The following CFAP61 variants were observed in gnomAD, a reference collection of about 807,000 sequenced individuals.
The protein encoded by CFAP61 is cilia and flagella associated protein 61, also known as cilia- and flagella-associated protein 61.
CFAP61 carries 107 observed loss-of-function variants against 135.6 expected under a neutral mutation model. The observed-to-expected ratio is 0.79, with a 90% CI of 0.67 to 0.93. The LOEUF is 0.93. Ranked by LOEUF, CFAP61 falls within the 40% of genes least tolerant of loss-of-function variation. The pLI is 0.00. For missense variants in CFAP61, 1,507 were observed against 1,556.2 expected (o/e 0.97, Z 0.53); for synonymous variants, 575 against 578.5 (o/e 0.99, Z 0.09).
chr20:20,328,585 A>C (rs1024307568), intron 25 of CFAP61, among the ~76,000 whole-genome samples: 1 of 151,140 alleles, frequency 6.6e-6, no homozygotes, highest in Non-Finnish European at 1.5e-5. Flanking sequence ...AAACAATTTC[A>C]AAAAAAAAGG....
rs550367362 is a variant in CFAP61, at chr20:20,242,358, G to A, written c.2061-3759G>A. On this transcript the variant is annotated intron_variant, in intron 18 of 26. Transcript: ENST00000245957. ...CATGAAATTTTACTGACTTTAACCA[G>A]GGGGTGGATTTGCAGCAAGAGCATC... Among the ~76,000 whole-genome samples the A allele has an allele frequency of 9.2e-5, 14 of 152,334 alleles. No homozygotes were observed. The South Asian group carries it at 2.7e-3, about 29-fold the overall frequency.
intron 11 of CFAP61, among the ~76,000 whole-genome samples, chr20:20,165,520 C>T (rs1327163049): frequency 6.6e-6 from 1 of 152,024 alleles, no homozygotes; most frequent in Non-Finnish European, 1.5e-5. Flanking sequence ...CACCCTGCCC[C>T]TCCAGAACAC....
At chr20:20,224,104 AG>A (rs1197836827) in intron 17 of CFAP61, among the ~76,000 whole-genome samples, 15 of 152,318 alleles carry the variant, frequency 9.8e-5, no homozygotes, top group South Asian at 4.1e-4. Flanking sequence ...GCAAAGACAT[AG>A]TTCCTGACCT....
chr20:20,198,093 T>G (rs942240060), intron 16 of CFAP61, among the ~76,000 whole-genome samples: 1 of 152,134 alleles, frequency 6.6e-6, no homozygotes, highest in African/African-American at 2.4e-5. Context: ...ACAGAAAAGG[T>G]TTTGAGTGAG....
intron 1 of CFAP61, among the ~76,000 whole-genome samples, chr20:20,056,269 T>A (rs1056363519): frequency 1.3e-5 from 2 of 152,218 alleles, no homozygotes; most frequent in Non-Finnish European, 2.9e-5. Context: ...CCCCAGTAAC[T>A]CTTCACCACA....
intron 25 of CFAP61, among the ~76,000 whole-genome samples, chr20:20,314,220 CA>C (rs74180988): frequency 0.033 from 3,160 of 95,326 alleles, 42 homozygotes; most frequent in African/African-American, 0.06. Flanking sequence ...CCCATCTCTA[CA>C]AAAAAAAAAA....
At chr20:20,064,032 A>ACCCCCCCCCCCCCCCCCCCCCC (rs373522191) in intron 2 of CFAP61, among the ~76,000 whole-genome samples, 1 of 113,220 alleles carries the variant, frequency 8.8e-6, no homozygotes, top group Non-Finnish European at 2.0e-5. Context: ...AAATAGAGTA[A>ACCCCCCCCCCCCCCCCCCCCCC]CCGCCCCCCA....
intron 8 of CFAP61, among the ~76,000 whole-genome samples, chr20:20,139,148 G>A (rs2051164903): frequency 6.6e-6 from 1 of 152,200 alleles, no homozygotes; most frequent in Non-Finnish European, 1.5e-5. Flanking sequence ...CCCTCAACAT[G>A]TATTATTTTG....
At chr20:20,086,556 A>G (rs2046817091) in intron 6 of CFAP61, among the ~76,000 whole-genome samples, 1 of 151,952 alleles carries the variant, frequency 6.6e-6, no homozygotes, top group Admixed American at 6.6e-5. Context: ...GGCTAAGTAG[A>G]GGGGCTGTGA....
intron 8 of CFAP61, among the ~76,000 whole-genome samples, chr20:20,135,729 T>C (rs1415311178): frequency 1.3e-5 from 2 of 152,198 alleles, no homozygotes; most frequent in Admixed American, 6.5e-5. Flanking sequence ...ATTATAGTTA[T>C]TATTTTTGAT....
chr20:20,055,860 A>C lies in CFAP61; in HGVS notation c.-36-758A>C, dbSNP rs546746247. Reference sequence around the variant, plus strand: ...AGTATATAATAAAATGGCTTTCCCTATGAAGGAAAGAAGGGAGGGAAAGAG... The same window carrying C: ...AGTATATAATAAAATGGCTTTCCCTCTGAAGGAAAGAAGGGAGGGAAAGAG... On this transcript the variant is annotated intron_variant, in intron 1 of 26. Coordinates refer to ENST00000245957, the MANE Select transcript of CFAP61 (RefSeq NM_015585.4). 43 of 1,028,192 alleles carry C rather than the reference A, an allele frequency of 4.2e-5. No individual in the cohort carries two copies. In the South Asian group the frequency reaches 5.7e-4, roughly 14 times the overall value. 63.7% of individuals were successfully genotyped at this position (1,028,192 alleles called of 1,614,324 possible).
chr20:20,096,196 T>A (rs1014233061), intron 7 of CFAP61, among the ~76,000 whole-genome samples: 5 of 152,216 alleles, frequency 3.3e-5, no homozygotes, highest in African/African-American at 1.2e-4. Context: ...ATTTGGATAC[T>A]CCTGCAAATT....
intron 13 of CFAP61, among the ~76,000 whole-genome samples, 190 bp from the exon 14 acceptor site, chr20:20,187,740 A>G (rs2055614664): frequency 6.6e-6 from 1 of 152,094 alleles, no homozygotes. Flanking sequence ...TATTCTTCAC[A>G]CTTTTTTGTG....
intron 18 of CFAP61, among the ~76,000 whole-genome samples, chr20:20,235,474 C>T (rs765849212): frequency 1.7e-4 from 26 of 152,138 alleles, no homozygotes; most frequent in Non-Finnish European, 3.4e-4. Flanking sequence ...CAGGGACACA[C>T]TCGGCCAATG....
chr20:20,341,371 C>T (rs545357132), intron 25 of CFAP61, among the ~76,000 whole-genome samples: 6 of 152,258 alleles, frequency 3.9e-5, no homozygotes, highest in East Asian at 1.9e-4. Context: ...TGCAACCGTG[C>T]GAACAGCATG....
rs1042906145 is a variant in CFAP61, at chr20:20,064,870, C to A, written c.144-5984C>A. Among the ~76,000 whole-genome samples the A allele has an allele frequency of 6.6e-5, 10 of 152,006 alleles. 1 individual carries two copies. The highest frequency in any genetic ancestry group is 1.5e-5 in the Non-Finnish European group (1 of 68,014). On this transcript the variant is annotated intron_variant, in intron 2 of 26. Transcript: ENST00000245957. ...ATGAGTCTAAATTTGTGTGGGAAAGCAAAGGTTCAGGGTAATCTGAAGGAA... is the reference window on the plus strand; with the variant it reads ...ATGAGTCTAAATTTGTGTGGGAAAGAAAAGGTTCAGGGTAATCTGAAGGAA...
At chr20:20,213,426 TG>T (rs2047808032) in intron 17 of CFAP61, among the ~76,000 whole-genome samples, 1 of 152,066 alleles carries the variant, frequency 6.6e-6, no homozygotes, top group Non-Finnish European at 1.5e-5. Flanking sequence ...AGCAAGCCAG[TG>T]GGCTCAGAAC....
chr20:20,076,587 G>A (rs2046065544), intron 6 of CFAP61, among the ~76,000 whole-genome samples: 1 of 152,198 alleles, frequency 6.6e-6, no homozygotes, highest in Non-Finnish European at 1.5e-5. Context: ...AAATAAGAGT[G>A]CATTATGAAA....
chr20:20,328,159 G>GGATCATGTA (rs2057838123), intron 25 of CFAP61, among the ~76,000 whole-genome samples: 1 of 152,204 alleles, frequency 6.6e-6, no homozygotes, highest in Non-Finnish European at 1.5e-5. Flanking sequence ...CAGAAGAGCT[G>GGATCATGTA]GATCATGTAG....
Sources: allele counts gnomAD v4.1 joint callset (sites outside exome capture counted in the v4.1 genomes callset), GRCh38; gene constraint gnomAD v4.1.1; transcripts MANE v1.5; gene names NCBI Gene and HGNC (gene_info 2026-07-23, HGNC 2026-07-21).